Variants in RIMS2 observed in about 807,000 individuals in gnomAD.
The protein encoded by RIMS2 is regulating synaptic membrane exocytosis 2.
In RIMS2, 59 loss-of-function variants were observed where a neutral mutation model predicts 174.4. The observed-to-expected ratio is 0.34, with a 90% CI of 0.27 to 0.42. The LOEUF is 0.42. Ranked by LOEUF, RIMS2 falls within the 10% of genes least tolerant of loss-of-function variation. The pLI, the probability that RIMS2 is intolerant of heterozygous loss-of-function variation, is 1.00. For synonymous variants in RIMS2, 606 were observed against 572.5 expected (o/e 1.06, Z -0.84); for missense variants, 1,620 against 1,666.3 (o/e 0.97, Z 0.48).
chr8:103,520,701 T>C (rs16870451), intron 1 of RIMS2, among the ~76,000 whole-genome samples: 4,586 of 152,158 alleles, frequency 0.03, 209 homozygotes, highest in African/African-American at 0.1. Context: ...ACTTACCATG[T>C]AGTTTGAGAA....
chr8:103,826,488 G>T (rs528959084), intron 3 of RIMS2, among the ~76,000 whole-genome samples: 1 of 151,448 alleles, frequency 6.6e-6, no homozygotes, highest in East Asian at 1.9e-4. Context: ...AGGCTTAAAG[G>T]TTTCTATTCT....
At chr8:103,987,800 A>T (rs1007810235) in intron 16 of RIMS2, among the ~76,000 whole-genome samples, 28 of 152,204 alleles carry the variant, frequency 1.8e-4, no homozygotes, top group Non-Finnish European at 3.8e-4. Flanking sequence ...ACTTATGAGT[A>T]ATTACTAATT....
intron 2 of RIMS2, among the ~76,000 whole-genome samples, chr8:103,722,364 T>C (rs572209861): frequency 4.6e-5 from 7 of 152,156 alleles, no homozygotes; most frequent in Non-Finnish European, 1.0e-4. Context: ...ATGAAATAGT[T>C]ATACAGTTCA....
rs992745208 is a variant in RIMS2 at position 104,115,215 on chromosome 8, T to C, written c.3334+100600T>C. Among the ~76,000 whole-genome samples, 6 of 152,228 alleles carry C rather than the reference T, an allele frequency of 3.9e-5. No homozygotes were observed. In the East Asian group the frequency reaches 1.2e-3, roughly 29 times the overall value. On this transcript the variant is annotated intron_variant, in intron 19 of 23. Coordinates refer to ENST00000504942, the Ensembl canonical transcript of RIMS2. ...CTTTCGCTTTTTTAAATTTCAGAAA[T>C]AGTTGTTTATTCAATGAGGCGTTTT...
chr8:103,527,803 G>A (rs951161459), intron 1 of RIMS2, among the ~76,000 whole-genome samples: 1 of 152,146 alleles, frequency 6.6e-6, no homozygotes, highest in Admixed American at 6.6e-5. Context: ...ATGGACATTT[G>A]GGTTGGTTCC....
intron 2 of RIMS2, among the ~76,000 whole-genome samples, chr8:103,738,855 C>T (rs920014222): frequency 6.6e-5 from 10 of 151,698 alleles, no homozygotes; most frequent in Admixed American, 4.6e-4. Context: ...GTTAGAATGG[C>T]GATCATTAAA....
intron 1 of RIMS2, among the ~76,000 whole-genome samples, chr8:103,564,142 T>A (rs1185529349): frequency 6.6e-6 from 1 of 152,232 alleles, no homozygotes; most frequent in African/African-American, 2.4e-5. Flanking sequence ...GAGAAGAACA[T>A]AACTTTTGTT....
At chr8:103,726,930 G>A (rs2097533926) in intron 2 of RIMS2, among the ~76,000 whole-genome samples, 1 of 150,984 alleles carries the variant, frequency 6.6e-6, no homozygotes, top group South Asian at 2.1e-4. Flanking sequence ...ATAGAGACGG[G>A]GTTTCACCAT....
At chr8:104,084,093 T>G (rs2097485403) in intron 19 of RIMS2, among the ~76,000 whole-genome samples, 3 of 152,158 alleles carry the variant, frequency 2.0e-5, no homozygotes, top group Non-Finnish European at 4.4e-5. Flanking sequence ...TGGTGATAGA[T>G]TGTTACTGTC....
chr8:103,518,451 G>T (rs1404630367), intron 1 of RIMS2, among the ~76,000 whole-genome samples: 3 of 152,066 alleles, frequency 2.0e-5, no homozygotes, highest in Non-Finnish European at 4.4e-5. Context: ...GCCACATGTG[G>T]CCTGCGGTCT....
chr8:103,957,988 G>T (rs1371644022), intron 14 of RIMS2, among the ~76,000 whole-genome samples: 1 of 152,150 alleles, frequency 6.6e-6, no homozygotes, highest in African/African-American at 2.4e-5. Context: ...GTGTAAAGCA[G>T]TATGGTGATT....
At chr8:103,729,071 T>C (rs921169512) in intron 2 of RIMS2, among the ~76,000 whole-genome samples, 3 of 152,134 alleles carry the variant, frequency 2.0e-5, no homozygotes, top group African/African-American at 7.2e-5. Context: ...GATTTTGGTA[T>C]CAGGGTCATA....
intron 19 of RIMS2, among the ~76,000 whole-genome samples, chr8:104,144,688 C>T (rs1385397138): frequency 2.0e-5 from 3 of 152,020 alleles, no homozygotes; most frequent in Admixed American, 6.6e-5. Context: ...TTATATTTTT[C>T]CCCTAAAAAT....
At chr8:103,776,300 A>G (rs1026428126) in intron 3 of RIMS2, among the ~76,000 whole-genome samples, 30 of 152,088 alleles carry the variant, frequency 2.0e-4, no homozygotes, top group African/African-American at 6.8e-4. Context: ...TGTGATAGAA[A>G]GATCTTTGGT....
At chr8:103,997,762 TA>T (rs1375937796) in intron 17 of RIMS2, among the ~76,000 whole-genome samples, 1 of 151,746 alleles carries the variant, frequency 6.6e-6, no homozygotes, top group East Asian at 1.9e-4. Flanking sequence ...TATTAATAAT[TA>T]AAAGAGAAAT....
chr8:103,501,158 C>G, intron 1 of RIMS2, 96 bp downstream of exon 1: 2 of 988,036 alleles, frequency 2.0e-6, no homozygotes, highest in Non-Finnish European at 2.7e-6. Context: ...TCGCCGCCCT[C>G]CCTCCCGCTG....
intron 1 of RIMS2, among the ~76,000 whole-genome samples, chr8:103,566,040 G>A (rs1446085121): frequency 2.0e-5 from 3 of 152,108 alleles, no homozygotes; most frequent in African/African-American, 4.8e-5. Context: ...TGAAATTGAG[G>A]TGCCACTGAG....
At chr8:103,854,450 A>G (rs934613051) in intron 3 of RIMS2, among the ~76,000 whole-genome samples, 1 of 152,016 alleles carries the variant, frequency 6.6e-6, no homozygotes, top group Non-Finnish European at 1.5e-5. Context: ...CTCAAGGAGA[A>G]TGGTTCCAGC....
At chr8:104,122,427 A>G (rs1163972340) in intron 19 of RIMS2, among the ~76,000 whole-genome samples, 3 of 152,118 alleles carry the variant, frequency 2.0e-5, no homozygotes, top group African/African-American at 4.8e-5. Flanking sequence ...GTGATCTTAT[A>G]CAAAGCAGTT....
Sources: gnomAD v4.1 joint callset for allele counts (sites outside exome capture counted in the v4.1 genomes callset) on GRCh38, gnomAD v4.1.1 for gene constraint, MANE v1.5 for transcripts, NCBI Gene and HGNC (gene_info 2026-07-23, HGNC 2026-07-21) for gene names.